PLPPR5: variants seen among roughly 807,000 people sequenced by gnomAD.
The protein encoded by PLPPR5 is phospholipid phosphatase-related protein type 5.
A neutral mutation model predicts 33.9 loss-of-function variants in PLPPR5; 16 were observed. That is an observed-to-expected ratio of 0.47 (90% confidence interval 0.32 to 0.72). The LOEUF is 0.72. PLPPR5 is among the 30% of genes least tolerant of loss of function. The pLI is 0.03. For synonymous variants in PLPPR5, 163 were observed against 150.3 expected (o/e 1.08, Z -0.62); for missense variants, 301 against 406.7 (o/e 0.74, Z 2.23).
intron 5 of PLPPR5, among the ~76,000 whole-genome samples, chr1:98,909,882 A>G (rs1457889832): frequency 6.6e-6 from 1 of 152,196 alleles, no homozygotes; most frequent in African/African-American, 2.4e-5. Context: ...ACAGATGATT[A>G]ATTCTTTTCA....
chr1:98,965,653 A>G (rs575471267), intron 1 of PLPPR5, among the ~76,000 whole-genome samples: 192 of 152,322 alleles, frequency 1.3e-3, no homozygotes, highest in African/African-American at 4.5e-3. Context: ...TTTGTGATCT[A>G]CAGTCCTTGA....
rs74784652 is a variant in PLPPR5 at position 99,003,841 on chromosome 1, T to G, written c.237+594A>C. On this transcript the variant is annotated intron_variant, in intron 1 of 5. Transcript: ENST00000263177. ...CTCCTGCTTTTCAGCAAAGCACTGG[T>G]GCTGAGGCCTCTTCATTTAGAAATT... Among the ~76,000 whole-genome samples, 1,508 of 152,362 alleles carry G rather than the reference T, an allele frequency of 9.9e-3. 12 individuals carry two copies. Among genetic ancestry groups the G allele is most frequent in the Non-Finnish European group, 0.014 (964 of 68,040 alleles).
intron 3 of PLPPR5, among the ~76,000 whole-genome samples, chr1:98,943,012 C>T (rs1193023203): frequency 6.6e-6 from 1 of 152,072 alleles, no homozygotes; most frequent in African/African-American, 2.4e-5. Flanking sequence ...CCAGTGGGTC[C>T]CAATTGTCAT....
chr1:99,003,643 T>C (rs1434780735), intron 1 of PLPPR5, among the ~76,000 whole-genome samples: 5 of 152,230 alleles, frequency 3.3e-5, no homozygotes, highest in Non-Finnish European at 1.5e-5. Flanking sequence ...ATATGTGAGG[T>C]GTGTGTATAC....
chr1:98,980,523 A>G (rs1243174556), intron 1 of PLPPR5, among the ~76,000 whole-genome samples: 1 of 152,130 alleles, frequency 6.6e-6, no homozygotes, highest in African/African-American at 2.4e-5. Context: ...AAGAAAACCA[A>G]GCACATTTAA....
At chr1:98,968,305 C>T (rs1413274742) in intron 1 of PLPPR5, among the ~76,000 whole-genome samples, 1 of 151,950 alleles carries the variant, frequency 6.6e-6, no homozygotes, top group Admixed American at 6.6e-5. Flanking sequence ...CCTATCATTC[C>T]TCAAAAGAGC....
chr1:98,921,121 T>C (rs892401905), intron 4 of PLPPR5, among the ~76,000 whole-genome samples: 1 of 152,104 alleles, frequency 6.6e-6, no homozygotes, highest in African/African-American at 2.4e-5. Flanking sequence ...TTGCCTCTGG[T>C]TAAATAAATA....
chr1:98,943,147 TA>T (rs1650439661), intron 3 of PLPPR5, among the ~76,000 whole-genome samples: 1 of 152,146 alleles, frequency 6.6e-6, no homozygotes, highest in Non-Finnish European at 1.5e-5. Flanking sequence ...CTACCTAATA[TA>T]TATCATCCCA....
chr1:98,895,417 A>C (rs1648436637), intron 5 of PLPPR5, among the ~76,000 whole-genome samples: 1 of 151,996 alleles, frequency 6.6e-6, no homozygotes, highest in Non-Finnish European at 1.5e-5. Context: ...ATTCTGTTAT[A>C]GCAGCACAAA....
intron 3 of PLPPR5, among the ~76,000 whole-genome samples, chr1:98,928,601 G>A (rs1015530154): frequency 3.6e-5 from 4 of 110,782 alleles, no homozygotes; most frequent in African/African-American, 1.2e-4. Flanking sequence ...ATTGAACAAT[G>A]CTGACCTAGA....
At position 98,983,587 on chromosome 1, in the gene PLPPR5, C is replaced by A. The variant is rs556423765; in HGVS notation, c.237+20848G>T. 8.3e-4 allele frequency among the ~76,000 whole-genome samples: 125 copies of A among 151,172 alleles called. 1 individual carries two copies. Among genetic ancestry groups the A allele is most frequent in the Middle Eastern group, 6.8e-3 (2 of 294 alleles). On this transcript the variant is annotated intron_variant, in intron 1 of 5. Coordinates refer to ENST00000263177, the MANE Select transcript of PLPPR5 (RefSeq NM_001037317.2). ...CTTTATAGCAGCATGATTTATAGTC[C>A]TTTGGGTATATACCCAGTAATGGGA...
chr1:98,956,843 A>G, intron 1 of PLPPR5, 102 bp from the exon 2 acceptor site: 1 of 869,992 alleles, frequency 1.1e-6, no homozygotes, highest in Non-Finnish European at 1.6e-6. Context: ...TTGAATGGTA[A>G]TAATCTCAAT....
Position 98,953,095 on chromosome 1 carries a change from C to G in PLPPR5, c.596G>C (p.Ser199Thr). The G allele has an allele frequency of 6.2e-7, 1 of 1,614,050 alleles. No individual in the cohort carries two copies. The highest frequency in any genetic ancestry group is 2.2e-5 in the East Asian group (1 of 44,846). ...GGTCAGATACATAGCTGCATAGACA[C>G]TGAGAGCTGCTTCTTTGGATGGAAA... The part of the protein sequence containing the change: ...KTFPSKEAAL[S>T]VYAAMYLTMY... The change falls in exon 3 of 6, where the codon AGT (serine) becomes ACT (threonine). Residue 199 changes from serine to threonine, a missense_variant. Physicochemically the swap from Ser to Thr is moderately conservative, Grantham distance 58. Coordinates refer to ENST00000263177, the MANE Select transcript of PLPPR5 (RefSeq NM_001037317.2).
chr1:98,909,536 GATT>G (rs927325010), intron 5 of PLPPR5, among the ~76,000 whole-genome samples: 65 of 151,602 alleles, frequency 4.3e-4, no homozygotes, highest in African/African-American at 1.5e-3. Context: ...TTATAGTTAT[GATT>G]ATTAAGGGTT....
chr1:98,936,824 G>C (rs114620663), intron 3 of PLPPR5, among the ~76,000 whole-genome samples: 133 of 152,320 alleles, frequency 8.7e-4, no homozygotes, highest in African/African-American at 3.2e-3. Flanking sequence ...TGAGACAATA[G>C]ATTTATTAGA....
chr1:98,968,046 TC>T (rs1651514145), intron 1 of PLPPR5, among the ~76,000 whole-genome samples: 1 of 152,114 alleles, frequency 6.6e-6, no homozygotes, highest in African/African-American at 2.4e-5. Flanking sequence ...CTACGAGCAT[TC>T]TTTTTAAATG....
At chr1:98,899,936 C>A (rs186405181) in intron 5 of PLPPR5, among the ~76,000 whole-genome samples, 1 of 152,200 alleles carries the variant, frequency 6.6e-6, no homozygotes, top group Non-Finnish European at 1.5e-5. Flanking sequence ...GGTATCCATG[C>A]ACTTTGTCTT....
chr1:98,990,833 A>G lies in PLPPR5; in HGVS notation c.237+13602T>C, dbSNP rs1193358420. Reference sequence around the variant, plus strand: ...CCCAGGAAATTATTAACAGTCTTAAAGAAACAAGAGTGTCTAAACTAATTT... The same window carrying G: ...CCCAGGAAATTATTAACAGTCTTAAGGAAACAAGAGTGTCTAAACTAATTT... On this transcript the variant is annotated intron_variant, in intron 1 of 5. Coordinates refer to ENST00000263177, the MANE Select transcript of PLPPR5 (RefSeq NM_001037317.2). 7 of 151,868 alleles carry G rather than the reference A, an allele frequency of 4.6e-5. No homozygotes were observed. The South Asian group carries it at 1.0e-3, about 22-fold the overall frequency. 9.4% of individuals were successfully genotyped at this position (151,868 alleles called of 1,614,324 possible). A position where few individuals can be genotyped will look rare whatever the true frequency, so the allele number is the denominator to read the frequency against.
intron 1 of PLPPR5, among the ~76,000 whole-genome samples, chr1:99,001,133 CTTTT>C (rs72190147): frequency 3.7e-5 from 5 of 134,874 alleles, no homozygotes; most frequent in Admixed American, 7.5e-5. Context: ...GTTCCCAACT[CTTTT>C]TTTTTTTTTT....
Sources: gnomAD v4.1 joint callset for allele counts (sites outside exome capture counted in the v4.1 genomes callset) on GRCh38, gnomAD v4.1.1 for gene constraint, MANE v1.5 for transcripts, NCBI Gene and HGNC (gene_info 2026-07-23, HGNC 2026-07-21) for gene names.